The following SHF variants were observed in gnomAD, a reference collection of about 807,000 sequenced individuals.
The protein encoded by SHF is SH2 domain-containing adapter protein F.
Under a neutral mutation model 42.4 loss-of-function variants are expected in SHF, and 30 were observed. That is an observed-to-expected ratio of 0.71 (90% CI 0.53 to 0.96). The LOEUF is 0.96. SHF is among the 40% of genes least tolerant of loss of function. SHF has a pLI of 0.00. For synonymous variants in SHF, 264 were observed against 269.9 expected, an observed-to-expected ratio of 0.98 and a Z score of 0.21; for missense variants, 598 against 634.0, an observed-to-expected ratio of 0.94 and a Z score of 0.61.
intron 6 of SHF, chr15:45,171,053 G>A: frequency 6.4e-6 from 1 of 155,380 alleles, no homozygotes. Flanking sequence ...GAATGGGAGG[G>A]TATATCTGTA....
chr15:45,193,585 A>C (rs1376134735), intron 2 of SHF, among the ~76,000 whole-genome samples: 1 of 152,202 alleles, frequency 6.6e-6, no homozygotes, highest in African/African-American at 2.4e-5. Flanking sequence ...AAATGCATAT[A>C]ATATTCAGTC....
upstream of SHF, among the ~76,000 whole-genome samples, chr15:45,189,897 G>A (rs1595643373): frequency 2.0e-5 from 3 of 152,192 alleles, no homozygotes; most frequent in Admixed American, 2.0e-4. Flanking sequence ...GTACCTGGGA[G>A]GTTGAGGTGG....
chr15:45,175,513 G>C (rs1298265509), intron 2 of SHF, 88 bp from the exon 3 acceptor site: 127 of 1,378,230 alleles, frequency 9.2e-5, no homozygotes, highest in Non-Finnish European at 1.2e-4. Flanking sequence ...CAACAAGCCA[G>C]GCCTCCTTCA....
chr15:45,174,128 T>C, intron 3 of SHF: 1 of 198,718 alleles, frequency 5.0e-6, no homozygotes, highest in Non-Finnish European at 1.0e-5. Flanking sequence ...CTTGCCTCCC[T>C]TTCTCCTTTT....
intron 1 of SHF, chr15:45,200,476 G>C (rs780397846): frequency 2.0e-5 from 7 of 341,618 alleles, no homozygotes; most frequent in Non-Finnish European, 3.5e-5. Context: ...ACCACTATAC[G>C]ATCACGGCGA....
At chr15:45,172,632 C>G (rs982781907) in intron 4 of SHF, among the ~76,000 whole-genome samples, 1 of 152,206 alleles carries the variant, frequency 6.6e-6, no homozygotes, top group African/African-American at 2.4e-5. Context: ...ACTGCCTTCC[C>G]CCAGTCCATC....
chr15:45,168,131 C>T lies in SHF; in HGVS notation c.1283G>A (p.Ser428Asn). The T allele has an allele frequency of 6.3e-7, 1 of 1,585,128 alleles. No individual in the cohort carries two copies. Among genetic ancestry groups the T allele is most frequent in the Non-Finnish European group, 8.6e-7 (1 of 1,161,740 alleles). ...CTTCATGTGCATGAATCCCTGGCTG[C>T]TCCTGGGAAGAGGAGAGGAGACTTT... is the stretch of plus-strand genomic sequence containing the variant. ...SKNDFSLSLKSSQGFMHMKLS... is the reference protein window; with the variant it reads ...SKNDFSLSLKNSQGFMHMKLS... Residue 428 changes from serine to asparagine, a missense_variant and splice_region_variant, in exon 7 of 7, where the codon AGC (serine) becomes AAC (asparagine). Physicochemically the swap from Ser to Asn is conservative, Grantham distance 46. Around this residue, in one of 2 missense-constraint regions of SHF, gnomAD observed 439 missense variants for 524.6 expected, o/e 0.84. Coordinates refer to ENST00000690270, the MANE Select transcript of SHF (RefSeq NM_001394037.1).
chr15:45,184,094 A>G (rs2141403563), intron 1 of SHF, among the ~76,000 whole-genome samples: 1 of 152,350 alleles, frequency 6.6e-6, no homozygotes, highest in African/African-American at 2.4e-5. Flanking sequence ...AACCCCAAAA[A>G]GGCAAGTATG....
At chr15:45,181,810 G>A (rs182729675) in intron 1 of SHF, among the ~76,000 whole-genome samples, 40 of 152,214 alleles carry the variant, frequency 2.6e-4, no homozygotes, top group African/African-American at 9.1e-4. Flanking sequence ...CTAAAACCAC[G>A]GCGGAGGGGT....
chr15:45,179,984 G>A (rs539009414), intron 1 of SHF, among the ~76,000 whole-genome samples: 2 of 152,240 alleles, frequency 1.3e-5, no homozygotes, highest in East Asian at 1.9e-4. Flanking sequence ...TTCCCTCTGA[G>A]GTACCTCCCA....
At chr15:45,189,429 C>G (rs1315326273), upstream of SHF, among the ~76,000 whole-genome samples, 1 of 145,420 alleles carries the variant, frequency 6.9e-6, no homozygotes, top group Non-Finnish European at 1.5e-5. Context: ...GAGTCTCACT[C>G]CGTCGCTGGA....
upstream of SHF, among the ~76,000 whole-genome samples, chr15:45,189,514 T>C (rs1898644343): frequency 6.8e-6 from 1 of 147,840 alleles, no homozygotes; most frequent in Non-Finnish European, 1.5e-5. Flanking sequence ...TCAGCCTCCC[T>C]AGTAGCTGGG....
At chr15:45,178,953 G>A (rs1897978811) in intron 1 of SHF, among the ~76,000 whole-genome samples, 1 of 152,258 alleles carries the variant, frequency 6.6e-6, no homozygotes, top group South Asian at 2.1e-4. Context: ...CAGGACCATA[G>A]CTTACACCAG....
At chr15:45,186,602 G>T (rs1898418380) in intron 1 of SHF, among the ~76,000 whole-genome samples, 1 of 152,222 alleles carries the variant, frequency 6.6e-6, no homozygotes, top group African/African-American at 2.4e-5. Flanking sequence ...AGGCATGGTG[G>T]ATTTCCTGTT....
intron 2 of SHF, among the ~76,000 whole-genome samples, chr15:45,196,669 G>A (rs555609860): frequency 3.9e-5 from 6 of 152,004 alleles, no homozygotes; most frequent in South Asian, 2.1e-4. Context: ...AGGCCGAGGC[G>A]GGCAGAACAC....
At chr15:45,173,108 C>T (rs1897598852) in intron 4 of SHF, among the ~76,000 whole-genome samples, 1 of 152,266 alleles carries the variant, frequency 6.6e-6, no homozygotes, top group Non-Finnish European at 1.5e-5. Flanking sequence ...CTGGGCAGAA[C>T]TGAACATAGA....
chr15:45,200,389 C>CT (rs1257287683), intron 1 of SHF: 6 of 214,316 alleles, frequency 2.8e-5, no homozygotes, highest in African/African-American at 1.3e-4. Flanking sequence ...ACAAACTCCC[C>CT]TTGCCGTGCC....
chr15:45,170,645 CTT>C (rs146136602), intron 6 of SHF: 4,572 of 218,248 alleles, frequency 0.021, no homozygotes, highest in South Asian at 0.05. Context: ...TTATCTTTTT[CTT>C]TTTTTTTTTT....
At chr15:45,181,493 C>T (rs1898125189) in intron 1 of SHF, among the ~76,000 whole-genome samples, 1 of 152,206 alleles carries the variant, frequency 6.6e-6, no homozygotes, top group African/African-American at 2.4e-5. Context: ...ACCCCTTTGA[C>T]CTACCCTAAT....
Sources: allele counts gnomAD v4.1 joint callset (sites outside exome capture counted in the v4.1 genomes callset), GRCh38; gene constraint gnomAD v4.1.1; regional missense constraint gnomAD v4.1.1; transcripts MANE v1.5; gene names NCBI Gene and HGNC (gene_info 2026-07-23, HGNC 2026-07-21).